RNF20: variants seen among roughly 807,000 people sequenced by gnomAD.
The protein encoded by RNF20 is E3 ubiquitin-protein ligase BRE1A.
A neutral mutation model predicts 126.2 loss-of-function variants in RNF20; 84 were observed. The ratio of observed to expected loss-of-function variants is 0.67; its 90% CI spans 0.56 to 0.80. RNF20 has a LOEUF of 0.80. RNF20 is among the 30% of genes least tolerant of loss of function. RNF20 has a pLI of 0.00. For missense variants in RNF20, 869 were observed against 1,188.2 expected (o/e 0.73, Z 3.95); for synonymous variants, 400 against 414.3 (o/e 0.97, Z 0.42).
chr9:101,554,761 C>T lies in RNF20; in HGVS notation c.2087C>T (p.Ala696Val). 1 of 1,605,562 alleles carries T rather than the reference C, an allele frequency of 6.2e-7. No homozygotes were observed. Among genetic ancestry groups the T allele is most frequent in the East Asian group, 2.2e-5 (1 of 44,576 alleles). Residue 696 changes from alanine (A) to valine (V), a missense_variant, in exon 15 of 20, where the codon GCT (alanine) becomes GTT (valine). By Grantham distance (64) the Ala-to-Val change is moderately conservative (BLOSUM62 0). Transcript: ENST00000389120. ...DKEKKENKKM[A>V]DEDALRKIRA... ...GAGAAGAAAGAGAACAAGAAAATGGCTGATGAGGATGCCTTGAGGAAGATC... is the reference window on the plus strand; with the variant it reads ...GAGAAGAAAGAGAACAAGAAAATGGTTGATGAGGATGCCTTGAGGAAGATC...
At chr9:101,561,686 T>C (rs975497451) in intron 18 of RNF20, among the ~76,000 whole-genome samples, 3 of 152,196 alleles carry the variant, frequency 2.0e-5, no homozygotes, top group Non-Finnish European at 2.9e-5. Flanking sequence ...AGGACTGAAT[T>C]GGTAATAGAT....
intron 4 of RNF20, 31 bp downstream of exon 4, chr9:101,540,668 A>C (rs1393520755): frequency 8.7e-6 from 14 of 1,611,570 alleles, no homozygotes; most frequent in Non-Finnish European, 1.1e-5. Flanking sequence ...CTATCACTGC[A>C]TGCTATCTGG....
At chr9:101,550,874 T>A (rs993170769) in intron 10 of RNF20, 89 bp downstream of exon 10, 1 of 1,147,102 alleles carries the variant, frequency 8.7e-7, no homozygotes, top group Non-Finnish European at 1.3e-6. Context: ...TAATCTCTCA[T>A]TCATTCAGCT....
chr9:101,548,687 T>C (rs1472722519), intron 9 of RNF20, among the ~76,000 whole-genome samples: 1 of 152,218 alleles, frequency 6.6e-6, no homozygotes, highest in Non-Finnish European at 1.5e-5. Flanking sequence ...CATATTTACT[T>C]ATTATATGTA....
intron 5 of RNF20, among the ~76,000 whole-genome samples, chr9:101,543,708 T>A (rs1442394868): frequency 1.3e-5 from 2 of 152,380 alleles, no homozygotes; most frequent in South Asian, 2.1e-4. Flanking sequence ...ACTAAACATT[T>A]ATTGAATTTT....
chr9:101,559,173 T>C (rs901724488), intron 16 of RNF20, among the ~76,000 whole-genome samples: 2 of 152,188 alleles, frequency 1.3e-5, no homozygotes, highest in Admixed American at 1.3e-4. Context: ...TCCCACTTTA[T>C]GTTTTTGTTT....
intron 9 of RNF20, among the ~76,000 whole-genome samples, chr9:101,548,774 G>C (rs1588220902): frequency 6.6e-6 from 1 of 152,190 alleles, no homozygotes; most frequent in African/African-American, 2.4e-5. Context: ...TAATGTAGGA[G>C]TTGTTGAGAA....
intron 2 of RNF20, among the ~76,000 whole-genome samples, chr9:101,538,993 A>G (rs1827222579): frequency 6.6e-6 from 1 of 152,174 alleles, no homozygotes; most frequent in Admixed American, 6.5e-5. Flanking sequence ...GTAGAGACAG[A>G]AGAGAACAGG....
rs112912460 is a variant in RNF20 at position 101,538,390 on chromosome 9, C to T, written c.130-1813C>T. Among the ~76,000 whole-genome samples, 795 of 152,172 alleles carry T rather than the reference C, an allele frequency of 5.2e-3. 7 individuals are homozygous for T. The highest frequency in any genetic ancestry group is 0.031 in the Middle Eastern group (9 of 294). On this transcript the variant is annotated intron_variant, in intron 2 of 19. Transcript: ENST00000389120. ...GTCTTTGTGAAATGTGAGGAAACGA[C>T]GTGGGCATTTACAGATGAATTCAAC...
intron 14 of RNF20, among the ~76,000 whole-genome samples, chr9:101,554,335 A>T (rs990891026): frequency 1.3e-5 from 2 of 152,194 alleles, no homozygotes; most frequent in Non-Finnish European, 2.9e-5. Context: ...CAAAGTATGT[A>T]TTCCTTGTTT....
At chr9:101,542,974 T>G (rs1827281857) in intron 5 of RNF20, among the ~76,000 whole-genome samples, 1 of 152,190 alleles carries the variant, frequency 6.6e-6, no homozygotes, top group African/African-American at 2.4e-5. Context: ...TTCATCCCCC[T>G]GACTTAGACT....
At chr9:101,553,915 C>A in intron 13 of RNF20, 73 bp from the exon 14 acceptor site, 1 of 806,956 alleles carries the variant, frequency 1.2e-6, no homozygotes, top group Non-Finnish European at 2.0e-6. Context: ...TCTGCTCAAT[C>A]AAAATTCCCT....
rs79546623 is a variant in RNF20 at position 101,544,814 on chromosome 9, G to A, written c.676G>A (p.Ala226Thr). Residue 226 changes from alanine to threonine, a missense_variant, in exon 6 of 20, where the codon GCA (alanine) becomes ACA (threonine). Physicochemically the swap from Ala to Thr is moderately conservative, Grantham distance 58 (BLOSUM62 0). This residue lies in a region of RNF20 where 103 missense variants were observed against 94.3 expected (regional missense o/e 1.09). Transcript: ENST00000389120. The stretch of plus-strand genomic sequence containing the variant: ...AGTGCAGGAGCTGAACTCTTTCCTC[G>A]CACAGGAGAATATGAGGCTACAGGA... ...EAVQELNSFLAQENMRLQELT... is the reference protein window; with the variant it reads ...EAVQELNSFLTQENMRLQELT... 1.6e-4 allele frequency: 261 copies of A among 1,613,500 alleles called. 2 individuals are homozygous for A. In the African/African-American group the frequency reaches 3.4e-3, roughly 21 times the overall value.
In RNF20 at chr9:101,561,120, C is replaced by T. The variant is rs146289816; in HGVS notation, c.2539C>T (p.Leu847Phe). ...AMEAAQLADDLKAQLELAQKK... is the reference protein window; with the variant it reads ...AMEAAQLADDFKAQLELAQKK... Reference sequence around the variant, plus strand: ...GGAGGCAGCCCAGCTTGCAGATGACCTCAAAGCACAACTGGAGTTGGCTCA... The same window carrying T: ...GGAGGCAGCCCAGCTTGCAGATGACTTCAAAGCACAACTGGAGTTGGCTCA... The change falls in exon 18 of 20, where the codon CTC becomes TTC. Residue 847 changes from leucine to phenylalanine, a missense_variant. Leu to Phe is a conservative substitution (Grantham distance 22, BLOSUM62 0). Coordinates refer to ENST00000389120, the MANE Select transcript of RNF20 (RefSeq NM_019592.7). 491 of 1,613,836 alleles carry T rather than the reference C, an allele frequency of 3.0e-4. 3 individuals carry two copies. In the African/African-American group the frequency reaches 5.8e-3, roughly 19 times the overall value.
At chr9:101,562,203 A>G (rs745990196) in intron 19 of RNF20, 43 bp from the exon 20 acceptor site, 1 of 1,587,178 alleles carries the variant, frequency 6.3e-7, no homozygotes, top group African/African-American at 1.3e-5. Context: ...TTTGGATCAT[A>G]AACTTTCATG....
intron 9 of RNF20, among the ~76,000 whole-genome samples, chr9:101,548,280 A>G (rs1354331751): frequency 6.6e-6 from 1 of 152,204 alleles, no homozygotes; most frequent in Non-Finnish European, 1.5e-5. Flanking sequence ...GGATCTAAAA[A>G]AGTCAAAATC....
At chr9:101,551,598 G>C in intron 10 of RNF20, 86 bp from the exon 11 acceptor site, 1 of 639,426 alleles carries the variant, frequency 1.6e-6, no homozygotes, top group Non-Finnish European at 2.1e-6. Context: ...GATTGAACTG[G>C]AAATTTTCAG....
At chr9:101,559,599 T>A (rs1321977420) in intron 16 of RNF20, among the ~76,000 whole-genome samples, 1 of 152,214 alleles carries the variant, frequency 6.6e-6, no homozygotes, top group Non-Finnish European at 1.5e-5. Context: ...ATTTTTCTTG[T>A]CGAGGTCTTT....
chr9:101,546,109 C>T (rs1213799841), intron 6 of RNF20, among the ~76,000 whole-genome samples: 9 of 152,006 alleles, frequency 5.9e-5, no homozygotes, highest in Non-Finnish European at 1.2e-4. Context: ...TAAAGTTGAC[C>T]CAGATTCAAG....
Sources: gnomAD v4.1 joint callset for allele counts (sites outside exome capture counted in the v4.1 genomes callset) on GRCh38, gnomAD v4.1.1 for gene constraint, gnomAD v4.1.1 regional missense constraint, MANE v1.5 for transcripts, NCBI Gene and HGNC (gene_info 2026-07-23, HGNC 2026-07-21) for gene names.